Variants in MEPE observed in about 807,000 individuals in gnomAD.
MEPE encodes matrix extracellular phosphoglycoprotein, also known as matrix, extracellular phosphoglycoprotein with ASARM motif (bone).
MEPE carries 7 observed loss-of-function variants against 7.3 expected under a neutral mutation model. The ratio of observed to expected loss-of-function variants is 0.95; its 90% confidence interval spans 0.54 to 1.79. MEPE has a LOEUF of 1.79. Among genes scored for constraint, MEPE ranks in the 40% most tolerant of loss-of-function variants. The pLI is 0.00. For synonymous variants in MEPE, 214 were observed against 213.1 expected, an observed-to-expected ratio of 1.00 and a Z score of -0.04; for missense variants, 623 against 628.2, an observed-to-expected ratio of 0.99 and a Z score of 0.09.
At chr4:87,825,687 C>T (rs980310740) in intron 1 of MEPE, among the ~76,000 whole-genome samples, 6 of 152,162 alleles carry the variant, frequency 3.9e-5, no homozygotes, top group African/African-American at 9.7e-5. Context: ...AATTTTTAAC[C>T]GACTATCTTT....
At chr4:87,827,108 A>G (rs571346342) in intron 1 of MEPE, among the ~76,000 whole-genome samples, 1 of 138,464 alleles carries the variant, frequency 7.2e-6, no homozygotes, top group South Asian at 2.4e-4. Context: ...ACTGTGGCAT[A>G]TCGGATGTGC....
At chr4:87,823,752 A>G (rs979687139) in intron 1 of MEPE, among the ~76,000 whole-genome samples, 4 of 152,174 alleles carry the variant, frequency 2.6e-5, no homozygotes, top group Non-Finnish European at 5.9e-5. Flanking sequence ...AAAAGCATAC[A>G]CACTTTTTTC....
At chr4:87,835,233 G>A (rs1367429355) in intron 2 of MEPE, among the ~76,000 whole-genome samples, 1 of 152,206 alleles carries the variant, frequency 6.6e-6, no homozygotes, top group Non-Finnish European at 1.5e-5. Context: ...CCCCAATACT[G>A]TGGGATCCTA....
intron 1 of MEPE, among the ~76,000 whole-genome samples, chr4:87,825,474 AGCTATTCT>A (rs1722441007): frequency 6.6e-6 from 1 of 152,142 alleles, no homozygotes. Context: ...CCATTCCTCA[AGCTATTCT>A]GCAATGTGAG....
At chr4:87,844,725 ATTC>A (rs1723144517) in intron 3 of MEPE, among the ~76,000 whole-genome samples, 1 of 152,172 alleles carries the variant, frequency 6.6e-6, no homozygotes, top group African/African-American at 2.4e-5. Context: ...TATGCCGCTT[ATTC>A]TTAAAATATT....
intron 1 of MEPE, 33 bp from the exon 2 acceptor site, chr4:87,834,670 G>A: frequency 1.3e-6 from 2 of 1,558,766 alleles, no homozygotes; most frequent in Non-Finnish European, 1.8e-6. Flanking sequence ...AACTGGCAAT[G>A]CTTTGTGGTA....
intron 3 of MEPE, among the ~76,000 whole-genome samples, chr4:87,839,011 C>G (rs1722907549): frequency 6.6e-6 from 1 of 152,166 alleles, no homozygotes; most frequent in Non-Finnish European, 1.5e-5. Context: ...ACAATATTTT[C>G]CCACACATGT....
At chr4:87,837,354 C>T (rs1053767281) in intron 2 of MEPE, among the ~76,000 whole-genome samples, 4 of 151,568 alleles carry the variant, frequency 2.6e-5, no homozygotes, top group African/African-American at 7.3e-5. Context: ...CTCCTTCCCC[C>T]CCTCCAGACT....
upstream of MEPE, among the ~76,000 whole-genome samples, chr4:87,829,283 G>T (rs1560534507): frequency 6.6e-6 from 1 of 151,580 alleles, no homozygotes; most frequent in Non-Finnish European, 1.5e-5. Context: ...ATGTAGCTTT[G>T]AATTCATTTT....
At chr4:87,822,745 G>T (rs372329948) in intron 1 of MEPE, among the ~76,000 whole-genome samples, 1 of 152,178 alleles carries the variant, frequency 6.6e-6, no homozygotes, top group East Asian at 1.9e-4. Flanking sequence ...AAGGTCAAAA[G>T]TCCTGTGCTC....
chr4:87,840,093 T>C, intron 3 of MEPE: 1 of 1,523,912 alleles, frequency 6.6e-7, no homozygotes, highest in Non-Finnish European at 8.8e-7. Flanking sequence ...CTGAGTAACA[T>C]TTGGTGTTTT....
intron 1 of MEPE, among the ~76,000 whole-genome samples, chr4:87,824,050 G>C (rs1455071110): frequency 3.3e-5 from 5 of 152,026 alleles, no homozygotes; most frequent in Non-Finnish European, 5.9e-5. Context: ...TGGTTCCCAG[G>C]GTCCAGGAAG....
intron 1 of MEPE, among the ~76,000 whole-genome samples, chr4:87,823,033 G>T (rs915500772): frequency 6.6e-5 from 10 of 152,216 alleles, no homozygotes; most frequent in Non-Finnish European, 1.2e-4. Flanking sequence ...AGATCTCAAA[G>T]TTTGGGAAGC....
chr4:87,846,053 C>T lies in MEPE; in HGVS notation c.1185C>T (p.Asn395=). The change falls in exon 4 of 4, where the codon AAC becomes AAT. Residue 395 remains asparagine (N), a synonymous_variant. Coordinates refer to ENST00000361056, the MANE Select transcript of MEPE (RefSeq NM_020203.6). ...EGSSDAAEST[N]YNEIPKNGKG... ...GTAGTGATGCAGCTGAAAGTACCAA[C>T]TATAATGAAATTCCTAAAAATGGCA... 6.2e-7 allele frequency: 1 copy of T among 1,613,974 alleles called. No individual in the cohort carries two copies. The highest frequency in any genetic ancestry group is 8.5e-7 in the Non-Finnish European group (1 of 1,179,956).
At chr4:87,829,966 T>C (rs925398938), upstream of MEPE, among the ~76,000 whole-genome samples, 3 of 150,990 alleles carry the variant, frequency 2.0e-5, no homozygotes, top group Non-Finnish European at 4.4e-5. Context: ...TTCAAATTAG[T>C]TGTTTAATCA....
chr4:87,840,159 C>A, intron 3 of MEPE: 1 of 1,335,566 alleles, frequency 7.5e-7, no homozygotes, highest in South Asian at 1.5e-5. Flanking sequence ...GGGATCTCAG[C>A]AGGGGACGGC....
chr4:87,826,018 C>A (rs1024829831), intron 1 of MEPE, among the ~76,000 whole-genome samples: 1 of 152,152 alleles, frequency 6.6e-6, no homozygotes, highest in Non-Finnish European at 1.5e-5. Flanking sequence ...GACATGATCT[C>A]ATTCTTTTTT....
chr4:87,825,724 A>G (rs912990742), intron 1 of MEPE, among the ~76,000 whole-genome samples: 1 of 152,228 alleles, frequency 6.6e-6, no homozygotes, highest in East Asian at 1.9e-4. Context: ...AGGTCTGTAC[A>G]TGCGCAGGAT....
At chr4:87,839,191 A>G (rs1722914400) in intron 3 of MEPE, among the ~76,000 whole-genome samples, 1 of 152,236 alleles carries the variant, frequency 6.6e-6, no homozygotes, top group Non-Finnish European at 1.5e-5. Context: ...GCTTCTGCCT[A>G]TCACAGAAAA....
Sources: allele counts gnomAD v4.1 joint callset (sites outside exome capture counted in the v4.1 genomes callset), GRCh38; gene constraint gnomAD v4.1.1; transcripts MANE v1.5; gene names NCBI Gene and HGNC (gene_info 2026-07-23, HGNC 2026-07-21).